NPR3: variants seen among roughly 807,000 people sequenced by gnomAD.
The protein encoded by NPR3 is atrial natriuretic peptide receptor 3.
In NPR3, 34 loss-of-function variants were observed where a neutral mutation model predicts 54.5. The ratio of observed to expected loss-of-function variants is 0.62; its 90% CI spans 0.47 to 0.83. The LOEUF (loss-of-function observed/expected upper bound fraction) is 0.83. NPR3 is among the 40% of genes least tolerant of loss of function. The pLI, the probability that NPR3 is intolerant of heterozygous loss-of-function variation, is 0.00. For missense variants in NPR3, 674 were observed against 720.8 expected, an observed-to-expected ratio of 0.94 and a Z score of 0.74; for synonymous variants, 289 against 297.1, an observed-to-expected ratio of 0.97 and a Z score of 0.28.
At chr5:32,740,627 G>A (rs1386289732) in intron 3 of NPR3, among the ~76,000 whole-genome samples, 1 of 151,324 alleles carries the variant, frequency 6.6e-6, no homozygotes, top group African/African-American at 2.4e-5. Flanking sequence ...AACCCCAGGT[G>A]AAGTTAATTT....
chr5:32,706,769 A>T (rs115066622), upstream of NPR3, among the ~76,000 whole-genome samples: 2,117 of 152,276 alleles, frequency 0.014, 43 homozygotes, highest in African/African-American at 0.048. Flanking sequence ...ATAAATTTGT[A>T]AAGGGCACTC....
At chr5:32,730,314 AG>A (rs140430241) in intron 2 of NPR3, among the ~76,000 whole-genome samples, 2,420 of 152,310 alleles carry the variant, frequency 0.016, 72 homozygotes, top group African/African-American at 0.055. Context: ...CCAGGAACAT[AG>A]GGGAACCTGC....
At position 32,738,861 on chromosome 5, in the gene NPR3, T is replaced by C. The variant is rs774182128; in HGVS notation, c.893-3T>C. 1.9e-6 allele frequency: 3 copies of C among 1,611,664 alleles called. No individual in the cohort carries two copies. Among genetic ancestry groups the C allele is most frequent in the Non-Finnish European group, 1.7e-6 (2 of 1,178,876 alleles). ...ATTATAAATATTTTTATTTCTTCCA[T>C]AGGAGATGGCTCATGGAAGAGAGGA... is the stretch of plus-strand genomic sequence containing the variant. On this transcript the variant is annotated splice_region_variant and splice_polypyrimidine_tract_variant and intron_variant, in intron 2 of 7. Transcript: ENST00000265074.
intron 1 of NPR3, among the ~76,000 whole-genome samples, chr5:32,697,817 CT>C (rs1245545787): frequency 1.3e-5 from 2 of 152,038 alleles, no homozygotes; most frequent in African/African-American, 4.8e-5. Flanking sequence ...CTTTGAATTT[CT>C]GTGGTATTGA....
intron 6 of NPR3, 72 bp from the exon 7 acceptor site, chr5:32,784,724 A>C (rs1242169111): frequency 8.3e-7 from 1 of 1,201,676 alleles, no homozygotes; most frequent in Non-Finnish European, 1.2e-6. Context: ...AACTTCTTGC[A>C]ATGAATGAAA....
intron 2 of NPR3, among the ~76,000 whole-genome samples, chr5:32,734,471 C>T (rs1016247035): frequency 3.9e-5 from 6 of 152,210 alleles, no homozygotes; most frequent in African/African-American, 1.4e-4. Flanking sequence ...TCGCTGGGCA[C>T]AGGGCTTGGT....
Position 32,711,781 on chromosome 5 carries a change from C to A in NPR3, c.5C>A (p.Pro2Gln). The change falls in exon 1 of 8, where the codon CCG becomes CAG. Residue 2 changes from proline (P) to glutamine (Q), a missense_variant. Transcript: ENST00000265074. ...CAAGCTCTTTCTTGCGGCACGATGC[C>A]GTCTCTGCTGGTGCTCACTTTCTCC... Reference protein sequence around the residue: MPSLLVLTFSPC... With the variant: MQSLLVLTFSPC... 2.8e-6 allele frequency: 4 copies of A among 1,422,870 alleles called. No individual in the cohort carries two copies. The highest frequency in any genetic ancestry group is 2.7e-5 in the East Asian group (1 of 36,952). The allele number at this position is 1,422,870 out of a possible 1,614,324, so 88.1% of individuals were successfully genotyped here.
At chr5:32,707,318 T>C (rs1738022915), upstream of NPR3, among the ~76,000 whole-genome samples, 1 of 152,072 alleles carries the variant, frequency 6.6e-6, no homozygotes, top group Non-Finnish European at 1.5e-5. Context: ...AAAATTACTA[T>C]TATTTATAGT....
intron 4 of NPR3, among the ~76,000 whole-genome samples, chr5:32,775,140 A>C (rs1246215668): frequency 4.6e-5 from 7 of 152,232 alleles, no homozygotes; most frequent in African/African-American, 1.7e-4. Flanking sequence ...CAGTTTGTGA[A>C]GAGTTCTGTG....
chr5:32,746,392 A>G (rs1269527403), intron 3 of NPR3, among the ~76,000 whole-genome samples: 1 of 152,084 alleles, frequency 6.6e-6, no homozygotes, highest in Non-Finnish European at 1.5e-5. Flanking sequence ...AAAATTATTG[A>G]ATTAGACCAT....
intron 3 of NPR3, among the ~76,000 whole-genome samples, chr5:32,747,253 G>A (rs1390675559): frequency 1.3e-5 from 2 of 152,030 alleles, no homozygotes; most frequent in Non-Finnish European, 2.9e-5. Flanking sequence ...ACTTCCTAAA[G>A]TGGAAAAAGA....
intron 4 of NPR3, among the ~76,000 whole-genome samples, chr5:32,776,125 G>T (rs1178341697): frequency 6.6e-6 from 1 of 152,118 alleles, no homozygotes; most frequent in Non-Finnish European, 1.5e-5. Flanking sequence ...ATATGCATTT[G>T]TATATCTTAT....
chr5:32,773,466 C>G (rs1206848832), intron 3 of NPR3, among the ~76,000 whole-genome samples: 1 of 152,172 alleles, frequency 6.6e-6, no homozygotes, highest in Admixed American at 6.5e-5. Flanking sequence ...TGATCTGACT[C>G]TCCTTACCTC....
At chr5:32,723,841 TCCTCTTCTCC>T (rs1285078072) in intron 1 of NPR3, among the ~76,000 whole-genome samples, 1 of 151,382 alleles carries the variant, frequency 6.6e-6, no homozygotes, top group Non-Finnish European at 1.5e-5. Flanking sequence ...TGTCCCTCTC[TCCTCTTCTCC>T]CCTCTTCTCC....
At chr5:32,753,926 T>A (rs1740703315) in intron 3 of NPR3, among the ~76,000 whole-genome samples, 1 of 152,192 alleles carries the variant, frequency 6.6e-6, no homozygotes, top group Non-Finnish European at 1.5e-5. Context: ...AGTTTTGCAT[T>A]GCACTAGTAA....
At chr5:32,753,624 C>A (rs1462517021) in intron 3 of NPR3, among the ~76,000 whole-genome samples, 1 of 102,810 alleles carries the variant, frequency 9.7e-6, no homozygotes, top group Non-Finnish European at 1.9e-5. Flanking sequence ...TCTCAGCATC[C>A]TTTTTTTTTT....
chr5:32,696,477 G>T (rs1412826793), intron 1 of NPR3, among the ~76,000 whole-genome samples: 1 of 151,494 alleles, frequency 6.6e-6, no homozygotes, highest in African/African-American at 2.4e-5. Flanking sequence ...GATAGCTTTG[G>T]CTATTCCGAG....
At chr5:32,750,316 A>G (rs1740512476) in intron 3 of NPR3, among the ~76,000 whole-genome samples, 1 of 152,060 alleles carries the variant, frequency 6.6e-6, no homozygotes, top group Non-Finnish European at 1.5e-5. Flanking sequence ...TTGGATTTTT[A>G]GTAGAGACAG....
intron 1 of NPR3, among the ~76,000 whole-genome samples, chr5:32,716,172 C>T (rs901135683): frequency 6.6e-6 from 1 of 152,060 alleles, no homozygotes; most frequent in African/African-American, 2.4e-5. Context: ...TAGAAACAGC[C>T]AGAGAGAAAT....
Sources: allele counts gnomAD v4.1 joint callset (sites outside exome capture counted in the v4.1 genomes callset), GRCh38; gene constraint gnomAD v4.1.1; transcripts MANE v1.5; gene names NCBI Gene and HGNC (gene_info 2026-07-23, HGNC 2026-07-21).